Variants in NLGN1 observed in about 807,000 individuals in gnomAD.
The protein encoded by NLGN1 is neuroligin 1.
In NLGN1, 12 loss-of-function variants were observed where a neutral mutation model predicts 65.5. That is an observed-to-expected ratio of 0.18 (90% confidence interval 0.12 to 0.30). The LOEUF (loss-of-function observed/expected upper bound fraction) is 0.30. Among genes scored for constraint, NLGN1 ranks in the 10% least tolerant of loss-of-function variants. The pLI, the probability that NLGN1 is intolerant of heterozygous loss-of-function variation, is 1.00. For missense variants in NLGN1, 750 were observed against 1,007.1 expected (o/e 0.74, Z 3.46); for synonymous variants, 350 against 359.5 (o/e 0.97, Z 0.30).
chr3:173,883,011 T>TA (rs1213334588), intron 4 of NLGN1, among the ~76,000 whole-genome samples: 1 of 145,602 alleles, frequency 6.9e-6, no homozygotes, highest in African/African-American at 2.6e-5. Flanking sequence ...CACTTACTGA[T>TA]ATTTGTGTGC....
chr3:173,980,144 G>A (rs918985740), intron 4 of NLGN1, among the ~76,000 whole-genome samples: 1 of 151,788 alleles, frequency 6.6e-6, no homozygotes, highest in Non-Finnish European at 1.5e-5. Context: ...TTAAGTCACT[G>A]AAAAACAAAT....
At chr3:173,669,794 T>C (rs1560137513) in intron 3 of NLGN1, among the ~76,000 whole-genome samples, 1 of 152,222 alleles carries the variant, frequency 6.6e-6, no homozygotes, top group African/African-American at 2.4e-5. Flanking sequence ...TAGCTACCAC[T>C]GACCATTGGT....
intron 4 of NLGN1, chr3:173,920,579 T>A (rs1741795451): frequency 6.6e-6 from 1 of 152,100 alleles, no homozygotes; most frequent in Admixed American, 6.6e-5. Flanking sequence ...TGAGAATGCA[T>A]ATGAGTCATC....
intron 4 of NLGN1, among the ~76,000 whole-genome samples, chr3:174,195,552 AT>A (rs1267936583): frequency 6.6e-6 from 1 of 152,178 alleles, no homozygotes. Flanking sequence ...TCCACTCTGA[AT>A]TTGGACTTGG....
At chr3:173,910,021 G>A (rs954167481) in intron 4 of NLGN1, among the ~76,000 whole-genome samples, 41 of 152,142 alleles carry the variant, frequency 2.7e-4, no homozygotes, top group African/African-American at 9.7e-4. Context: ...GTCAATGGGG[G>A]AGAGATTTGC....
intron 3 of NLGN1, among the ~76,000 whole-genome samples, chr3:173,795,069 C>A (rs1049326907): frequency 2.6e-5 from 4 of 151,992 alleles, no homozygotes; most frequent in Non-Finnish European, 5.9e-5. Context: ...CAAAACTAAA[C>A]ATAGGGTATG....
chr3:174,120,107 C>G (rs1717431379), intron 4 of NLGN1, among the ~76,000 whole-genome samples: 1 of 151,976 alleles, frequency 6.6e-6, no homozygotes, highest in South Asian at 2.1e-4. Context: ...GAAATAAAAT[C>G]AGAAATGTAA....
intron 4 of NLGN1, among the ~76,000 whole-genome samples, chr3:173,821,811 C>T (rs941834722): frequency 2.6e-5 from 4 of 152,096 alleles, no homozygotes; most frequent in African/African-American, 9.7e-5. Flanking sequence ...TTCATACAAT[C>T]TTGTTATTTA....
intron 4 of NLGN1, among the ~76,000 whole-genome samples, chr3:174,217,207 TG>T (rs2152801343): frequency 6.6e-6 from 1 of 152,154 alleles, no homozygotes; most frequent in East Asian, 1.9e-4. Context: ...TCTTCCCTTA[TG>T]TATCAGTAAA....
At chr3:173,722,917 C>T (rs372023733) in intron 3 of NLGN1, among the ~76,000 whole-genome samples, 24 of 152,030 alleles carry the variant, frequency 1.6e-4, no homozygotes, top group African/African-American at 5.5e-4. Context: ...AAATATAAAA[C>T]GTGGAAAAAT....
At chr3:173,460,914 G>C (rs1723269783) in intron 2 of NLGN1, among the ~76,000 whole-genome samples, 1 of 152,192 alleles carries the variant, frequency 6.6e-6, no homozygotes, top group Non-Finnish European at 1.5e-5. Context: ...CAGCCCTAAG[G>C]CACAGTCCTT....
intron 4 of NLGN1, among the ~76,000 whole-genome samples, chr3:173,861,017 TTTATA>T (rs1360326191): frequency 6.6e-6 from 1 of 152,140 alleles, no homozygotes; most frequent in African/African-American, 2.4e-5. Context: ...GAGAAAAGTT[TTTATA>T]TTATAGGTTT....
chr3:174,006,048 G>T (rs143393077), intron 4 of NLGN1, among the ~76,000 whole-genome samples: 1 of 151,944 alleles, frequency 6.6e-6, no homozygotes, highest in Non-Finnish European at 1.5e-5. Context: ...AACCTAACAG[G>T]ACTATTTGAT....
chr3:173,659,706 T>C (rs1395313941), intron 3 of NLGN1, among the ~76,000 whole-genome samples: 1 of 151,852 alleles, frequency 6.6e-6, no homozygotes, highest in Non-Finnish European at 1.5e-5. Context: ...CTTCAAATCA[T>C]GGTGTGTACC....
intron 3 of NLGN1, among the ~76,000 whole-genome samples, chr3:173,772,740 G>A (rs1032645552): frequency 2.6e-5 from 4 of 152,180 alleles, no homozygotes; most frequent in East Asian, 1.9e-4. Flanking sequence ...ACCGGAGAAT[G>A]GGATGTGGTG....
chr3:173,867,534 G>A (rs1730395502), intron 4 of NLGN1, among the ~76,000 whole-genome samples: 1 of 152,000 alleles, frequency 6.6e-6, no homozygotes, highest in Non-Finnish European at 1.5e-5. Context: ...TTTTCCATAA[G>A]TCAAATAACT....
chr3:174,017,482 G>A (rs920490410), intron 4 of NLGN1, among the ~76,000 whole-genome samples: 2 of 152,040 alleles, frequency 1.3e-5, no homozygotes, highest in African/African-American at 4.8e-5. Flanking sequence ...GGTAGTTTGT[G>A]GTCATTTTAG....
chr3:173,473,327 A>G (rs1329669963), intron 2 of NLGN1, among the ~76,000 whole-genome samples: 2 of 152,190 alleles, frequency 1.3e-5, no homozygotes, highest in Non-Finnish European at 1.5e-5. Context: ...TAGAGTAATG[A>G]AACATAACTT....
At chr3:173,539,668 C>T (rs202099170) in intron 2 of NLGN1, among the ~76,000 whole-genome samples, 23,736 of 65,284 alleles carry the variant, frequency 0.36, 4,712 homozygotes, top group African/African-American at 0.59. Flanking sequence ...TGTATATATG[C>T]ACATATATAA....
Sources: gnomAD v4.1 joint callset for allele counts (sites outside exome capture counted in the v4.1 genomes callset) on GRCh38, gnomAD v4.1.1 for gene constraint, MANE v1.5 for transcripts, NCBI Gene and HGNC (gene_info 2026-07-23, HGNC 2026-07-21) for gene names.